The following ZNF786 variants were observed in gnomAD, a reference collection of about 807,000 sequenced individuals.
ZNF786 encodes the protein zinc finger protein 786.
Under a neutral mutation model 63.1 loss-of-function variants are expected in ZNF786, and 56 were observed. The ratio of observed to expected loss-of-function variants is 0.89; its 90% CI spans 0.72 to 1.11. The LOEUF is 1.11. Ranked by LOEUF, ZNF786 falls within the 50% of genes least tolerant of loss-of-function variation. The probability of loss-of-function intolerance (pLI) is 0.00; values close to 1 mark genes in which losing one functional copy is unlikely to be tolerated. For missense variants in ZNF786, 1,213 were observed against 1,041.8 expected (o/e 1.16, Z -2.26); for synonymous variants, 485 against 406.9 (o/e 1.19, Z -2.31).
chr7:149,074,358 G>A (rs772861664), intron 3 of ZNF786, 28 bp downstream of exon 3: 1 of 1,611,174 alleles, frequency 6.2e-7, no homozygotes, highest in East Asian at 2.2e-5. Flanking sequence ...ATGTCTCAAG[G>A]TCGGGGCCCT....
At chr7:149,086,533 C>G (rs988609982) in intron 1 of ZNF786, among the ~76,000 whole-genome samples, 6 of 152,026 alleles carry the variant, frequency 3.9e-5, no homozygotes, top group Non-Finnish European at 7.4e-5. Flanking sequence ...GAGGCTGAGG[C>G]AGGAGAATCG....
At position 149,079,604 on chromosome 7, in the gene ZNF786, C is replaced by T. The variant is rs1385187179; in HGVS notation, c.145+987G>A. On this transcript the variant is annotated intron_variant, in intron 2 of 3. Coordinates refer to ENST00000491431, the MANE Select transcript of ZNF786 (RefSeq NM_152411.4). ...TTTTCCTTTTTGGAACGGAGTCTCA[C>T]TCTGTTGCCAGGCTGGAGTGCAGTG... 6.6e-5 allele frequency among the ~76,000 whole-genome samples: 9 copies of T among 137,128 alleles called. No homozygotes were observed. In the East Asian group the frequency reaches 2.1e-3, roughly 32 times the overall value. 90.0% of individuals were successfully genotyped at this position (137,128 alleles called of 152,430 possible).
intron 2 of ZNF786, among the ~76,000 whole-genome samples, chr7:149,078,712 A>C (rs1825603075): frequency 6.6e-6 from 1 of 152,180 alleles, no homozygotes. Flanking sequence ...CTATGGTAAC[A>C]GAACAGAATA....
At chr7:149,073,777 ATATG>A (rs200912635) in intron 3 of ZNF786, among the ~76,000 whole-genome samples, 2,388 of 96,872 alleles carry the variant, frequency 0.025, 33 homozygotes, top group South Asian at 0.043. Flanking sequence ...ATATATATAT[ATATG>A]TATATATATA....
Position 149,090,695 on chromosome 7 carries a change from CAGGAACCT to C in ZNF786, c.-63_-56del, listed in dbSNP as rs1825817388. ...AACCCGACCGTCTCCGGCGGCTCCGCAGGAACCTGCCCTGCTGCGCACTGACTCCCCTC... is the reference window on the plus strand; with the variant it reads ...AACCCGACCGTCTCCGGCGGCTCCGCGCCCTGCTGCGCACTGACTCCCCTC... On this transcript the variant is annotated 5_prime_UTR_variant, in exon 1 of 4. Coordinates refer to ENST00000491431, the MANE Select transcript of ZNF786 (RefSeq NM_152411.4). 1.3e-6 allele frequency: 2 copies of C among 1,556,816 alleles called. No individual in the cohort carries two copies. Among genetic ancestry groups the C allele is most frequent in the Non-Finnish European group, 1.7e-6 (2 of 1,150,286 alleles).
At chr7:149,089,880 AT>A (rs1175981436) in intron 1 of ZNF786, among the ~76,000 whole-genome samples, 1 of 151,092 alleles carries the variant, frequency 6.6e-6, no homozygotes, top group Non-Finnish European at 1.5e-5. Context: ...TGCCAGGCTA[AT>A]TTTTTGTATT....
At position 149,071,766 on chromosome 7, in the gene ZNF786, C is replaced by G. The variant is rs200391381; in HGVS notation, c.1006G>C (p.Val336Leu). ...WREGRGASSS[V>L]HSGQKPGSRL... Reference sequence around the variant, plus strand: ...GAGCCTGGTTTCTGTCCCGAGTGCACACTGCTGGAGGCCCCGCGGCCTTCT... The same window carrying G: ...GAGCCTGGTTTCTGTCCCGAGTGCAGACTGCTGGAGGCCCCGCGGCCTTCT... The change falls in exon 4 of 4, where the codon GTG becomes CTG. Residue 336 changes from valine (V) to leucine (L), a missense_variant. Transcript: ENST00000491431. 1.1e-4 allele frequency: 172 copies of G among 1,587,160 alleles called. No homozygotes were observed. The African/African-American group carries it at 1.9e-3, about 18-fold the overall frequency.
At position 149,071,541 on chromosome 7, in the gene ZNF786, G is replaced by A; in HGVS notation, c.1231C>T (p.Leu411=). Residue 411 remains leucine (L), a synonymous_variant, in exon 4 of 4, where the codon CTG becomes TTG. Coordinates refer to ENST00000491431, the MANE Select transcript of ZNF786 (RefSeq NM_152411.4). The part of the protein sequence containing the change: ...HCTKRFRLRR[L]LQVHQHAHGG... The stretch of plus-strand genomic sequence containing the variant: ...TGCGCGTGCTGGTGGACCTGCAGCA[G>A]GCGGCGCAGGCGGAAGCGCTTGGTG... The A allele has an allele frequency of 6.2e-7, 1 of 1,612,696 alleles. No individual in the cohort carries two copies.
At position 149,071,290 on chromosome 7, in the gene ZNF786, G is replaced by A. The variant is rs775075077; in HGVS notation, c.1482C>T (p.Ser494=). The change falls in exon 4 of 4, where the codon AGC becomes AGT. Residue 494 remains serine, a synonymous_variant. Transcript: ENST00000491431. ...PECGLSFRLE[S]MLRAHRLRHG... is the part of the protein sequence containing the mutation. ...GCCGGAGCCGGTGGGCTCTCAGCATGCTCTCCAGGCGGAAGCTCAGCCCAC... is the reference window on the plus strand; with the variant it reads ...GCCGGAGCCGGTGGGCTCTCAGCATACTCTCCAGGCGGAAGCTCAGCCCAC... The A allele has an allele frequency of 1.9e-6, 3 of 1,612,988 alleles. No homozygotes were observed. The highest frequency in any genetic ancestry group is 1.7e-6 in the Non-Finnish European group (2 of 1,179,682).
intron 1 of ZNF786, among the ~76,000 whole-genome samples, chr7:149,084,590 T>G (rs763933624): frequency 6.6e-6 from 1 of 152,228 alleles, no homozygotes; most frequent in Non-Finnish European, 1.5e-5. Context: ...TGGCCATGTA[T>G]ATGTATGTCT....
intron 3 of ZNF786, among the ~76,000 whole-genome samples, chr7:149,073,950 C>T (rs779281991): frequency 2.7e-5 from 4 of 150,694 alleles, no homozygotes; most frequent in African/African-American, 4.9e-5. Flanking sequence ...GCCACCATGC[C>T]CGGCTAATTT....
At chr7:149,077,030 A>G (rs1825564022) in intron 2 of ZNF786, among the ~76,000 whole-genome samples, 1 of 152,214 alleles carries the variant, frequency 6.6e-6, no homozygotes, top group Non-Finnish European at 1.5e-5. Flanking sequence ...ACAATAGAGT[A>G]GGAATGTTCA....
In ZNF786 at chr7:149,071,798, G is replaced by A; in HGVS notation, c.974C>T (p.Ser325Phe). 2 of 1,584,664 alleles carry A rather than the reference G, an allele frequency of 1.3e-6. No homozygotes were observed. Among genetic ancestry groups the A allele is most frequent in the Non-Finnish European group, 1.7e-6 (2 of 1,170,698 alleles). Residue 325 changes from serine (S) to phenylalanine (F), a missense_variant, in exon 4 of 4, where the codon TCT (serine) becomes TTT (phenylalanine). Ser to Phe is a radical substitution (Grantham distance 155). Coordinates refer to ENST00000491431, the MANE Select transcript of ZNF786 (RefSeq NM_152411.4). ...RCQHSREGPASWREGRGASSS... is the reference protein window; with the variant it reads ...RCQHSREGPAFWREGRGASSS... ...GGAGGCCCCGCGGCCTTCTCTCCAA[G>A]AGGCCGGCCCCTCCCGGCTGTGCTG...
Position 149,070,992 on chromosome 7 carries a change from GGA to G in ZNF786, c.1778_1779del (p.Phe593SerfsTer59), listed in dbSNP as rs752971225. The G allele has an allele frequency of 2.7e-5, 44 of 1,613,148 alleles. No individual in the cohort carries two copies. The highest frequency in any genetic ancestry group is 3.7e-5 in the Non-Finnish European group (44 of 1,179,936). ...HLRVHSGERP[F>X]QCPECNRSFR... The stretch of plus-strand genomic sequence containing the variant: ...AAGCTCCTGTTGCACTCTGGGCACT[GGA>G]AGGGTCTCTCCCCGCTGTGCACGCG... On this transcript the variant is annotated frameshift_variant, in exon 4 of 4. Transcript: ENST00000491431. LOFTEE classifies it high-confidence loss of function.
At chr7:149,089,012 A>C (rs1425807637) in intron 1 of ZNF786, among the ~76,000 whole-genome samples, 3 of 146,478 alleles carry the variant, frequency 2.0e-5, no homozygotes, top group Non-Finnish European at 4.4e-5. Flanking sequence ...GCTGGAGTGC[A>C]GTGGCGCGAT....
Position 149,079,146 on chromosome 7 carries a change from C to T in ZNF786, c.145+1445G>A, listed in dbSNP as rs1472244141. Among the ~76,000 whole-genome samples, 20 of 152,294 alleles carry T rather than the reference C, an allele frequency of 1.3e-4. No individual in the cohort carries two copies. In the East Asian group the frequency reaches 3.7e-3, roughly 28 times the overall value. On this transcript the variant is annotated intron_variant, in intron 2 of 3. Transcript: ENST00000491431. ...GAAACGGGCTGGGCGTGGTGGCTCA[C>T]GCCTGTAATCCCAGCACTTCGGGAG...
In ZNF786 at chr7:149,070,631, CG is replaced by C. The variant is rs1435125002; in HGVS notation, c.2140del (p.Arg714GlyfsTer7). 13 of 1,613,884 alleles carry C rather than the reference CG, an allele frequency of 8.1e-6. No individual in the cohort carries two copies. The Admixed American group carries it at 1.3e-4, about 17-fold the overall frequency. On this transcript the variant is annotated frameshift_variant, in exon 4 of 4. Transcript: ENST00000491431. LOFTEE classifies it high-confidence loss of function. Reference sequence around the variant, plus strand: ...GTGCCTCAGCATGTGTCCCCTTTCCCGGAAGTTCTTGTCACACTCAGGGCAG... The same window carrying C: ...GTGCCTCAGCATGTGTCCCCTTTCCCGAAGTTCTTGTCACACTCAGGGCAG... ...FHCPECDKNFRERGHMLRHQR... is the reference protein window; with the variant it reads ...FHCPECDKNFXERGHMLRHQR...
chr7:149,073,930 A>G lies in ZNF786; in HGVS notation c.298+456T>C, dbSNP rs375846360. Among the ~76,000 whole-genome samples, 55 of 151,106 alleles carry G rather than the reference A, an allele frequency of 3.6e-4. No individual in the cohort carries two copies. In the East Asian group the frequency reaches 8.4e-3, roughly 23 times the overall value. On this transcript the variant is annotated intron_variant, in intron 3 of 3. Coordinates refer to ENST00000491431, the MANE Select transcript of ZNF786 (RefSeq NM_152411.4). Reference sequence around the variant, plus strand: ...CTCAGCCTCCTGAGTAGCTGGGATTACAGGCACCTGCCACCATGCCCGGCT... The same window carrying G: ...CTCAGCCTCCTGAGTAGCTGGGATTGCAGGCACCTGCCACCATGCCCGGCT...
intron 3 of ZNF786, among the ~76,000 whole-genome samples, chr7:149,073,725 G>A (rs865887790): frequency 6.0e-4 from 11 of 18,304 alleles, no homozygotes; most frequent in African/African-American, 1.4e-3. Context: ...ATATGTGTGC[G>A]TGTGTGTGTG....
Sources: allele counts gnomAD v4.1 joint callset (sites outside exome capture counted in the v4.1 genomes callset), GRCh38; gene constraint gnomAD v4.1.1; transcripts MANE v1.5; gene names NCBI Gene and HGNC (gene_info 2026-07-23, HGNC 2026-07-21).